Variants in TCEANC2 observed in about 807,000 individuals in gnomAD.
The protein encoded by TCEANC2 is transcription elongation factor A N-terminal and central domain containing 2.
Under a neutral mutation model 22.8 loss-of-function variants are expected in TCEANC2, and 20 were observed. That is an observed-to-expected ratio of 0.88 (90% CI 0.62 to 1.28). The LOEUF (loss-of-function observed/expected upper bound fraction) is 1.28. Among genes scored for constraint, TCEANC2 ranks in the 50% most tolerant of loss-of-function variants. The pLI, the probability that TCEANC2 is intolerant of heterozygous loss-of-function variation, is 0.00. For synonymous variants in TCEANC2, 84 were observed against 95.5 expected (o/e 0.88, Z 0.70); for missense variants, 251 against 249.7 (o/e 1.01, Z -0.03).
chr1:54,072,614 C>G (rs1463009918), intron 3 of TCEANC2, among the ~76,000 whole-genome samples: 1 of 152,120 alleles, frequency 6.6e-6, no homozygotes, highest in Non-Finnish European at 1.5e-5. Flanking sequence ...TCAGGATGGT[C>G]TCGATCTCTT....
intron 4 of TCEANC2, among the ~76,000 whole-genome samples, chr1:54,093,933 C>A (rs1658494948): frequency 6.6e-6 from 1 of 152,160 alleles, no homozygotes; most frequent in African/African-American, 2.4e-5. Flanking sequence ...GCAAATGCTG[C>A]AGGACAAATG....
chr1:54,064,781 C>T (rs1657918021), intron 2 of TCEANC2, among the ~76,000 whole-genome samples: 1 of 150,604 alleles, frequency 6.6e-6, no homozygotes, highest in East Asian at 1.9e-4. Flanking sequence ...CTCACTGCAC[C>T]CTCCACCTCC....
At position 54,068,758 on chromosome 1, in the gene TCEANC2, A is replaced by G; in HGVS notation, c.105A>G (p.Arg35=). 6.3e-7 allele frequency: 1 copy of G among 1,593,468 alleles called. No homozygotes were observed. The highest frequency in any genetic ancestry group is 8.5e-7 in the Non-Finnish European group (1 of 1,174,564). The change falls in exon 3 of 5, where the codon AGA becomes AGG. Residue 35 remains arginine (R), a splice_region_variant and synonymous_variant. Coordinates refer to ENST00000234827, the MANE Select transcript of TCEANC2 (RefSeq NM_153035.3). ...YKQATIESLK[R]VVVVEDIKRW... ...CAAATGACTTTTCTTTTTCCCAGAG[A>G]GTTGTGGTTGTAGAAGACATAAAAA...
At chr1:54,069,616 A>AG in intron 3 of TCEANC2, among the ~76,000 whole-genome samples, 1 of 152,196 alleles carries the variant, frequency 6.6e-6, no homozygotes, top group African/African-American at 2.4e-5. Flanking sequence ...AAAAAAAAAA[A>AG]AAAAGAAACT....
chr1:54,059,822 G>T (rs1657818198), intron 2 of TCEANC2, among the ~76,000 whole-genome samples: 1 of 152,342 alleles, frequency 6.6e-6, no homozygotes, highest in African/African-American at 2.4e-5. Flanking sequence ...GCATGCCGTT[G>T]TAGGGTTTTG....
chr1:54,059,381 A>G (rs549740089), intron 2 of TCEANC2, among the ~76,000 whole-genome samples: 95 of 152,064 alleles, frequency 6.2e-4, no homozygotes, highest in African/African-American at 2.3e-3. Flanking sequence ...TGAACTCTTG[A>G]CCTCAGGTGA....
At chr1:54,076,455 A>C (rs903918888) in intron 3 of TCEANC2, among the ~76,000 whole-genome samples, 2 of 152,158 alleles carry the variant, frequency 1.3e-5, no homozygotes, top group East Asian at 3.8e-4. Context: ...TTATGCCTAC[A>C]TAGTATTCCA....
At chr1:54,067,942 G>T (rs1657987512) in intron 2 of TCEANC2, among the ~76,000 whole-genome samples, 1 of 152,144 alleles carries the variant, frequency 6.6e-6, no homozygotes, top group African/African-American at 2.4e-5. Flanking sequence ...GTGTGTAGTT[G>T]TAAAAGCAAA....
At chr1:54,069,002 C>T in intron 3 of TCEANC2, 105 bp downstream of exon 3, 1 of 1,210,260 alleles carries the variant, frequency 8.3e-7, no homozygotes, top group Non-Finnish European at 1.1e-6. Context: ...CTTATCAATG[C>T]TTTCAACTCT....
chr1:54,108,595 A>G (rs1658794102), downstream of TCEANC2, among the ~76,000 whole-genome samples: 1 of 152,220 alleles, frequency 6.6e-6, no homozygotes, highest in Non-Finnish European at 1.5e-5. Flanking sequence ...CTGCGACAAA[A>G]TAAATCTGTT....
chr1:54,091,147 A>G (rs895711556), intron 4 of TCEANC2, among the ~76,000 whole-genome samples: 18 of 134,986 alleles, frequency 1.3e-4, no homozygotes, highest in African/African-American at 4.7e-4. Context: ...TGTCGTCCTT[A>G]GCCAAAAAAA....
intron 3 of TCEANC2, among the ~76,000 whole-genome samples, chr1:54,084,262 C>T (rs1030783149): frequency 2.0e-5 from 3 of 152,154 alleles, no homozygotes. Context: ...TTCCACCCAC[C>T]TCAGCCTCCC....
At chr1:54,094,355 G>A (rs1472393255) in intron 4 of TCEANC2, among the ~76,000 whole-genome samples, 2 of 152,144 alleles carry the variant, frequency 1.3e-5, no homozygotes, top group Non-Finnish European at 1.5e-5. Flanking sequence ...TATTTGGGGT[G>A]TGTTTTTTCT....
At chr1:54,082,989 G>A (rs1299767562) in intron 3 of TCEANC2, among the ~76,000 whole-genome samples, 2 of 152,174 alleles carry the variant, frequency 1.3e-5, no homozygotes, top group Non-Finnish European at 2.9e-5. Flanking sequence ...CTGAATCAGG[G>A]TAGTAAGAGT....
At chr1:54,078,770 A>G (rs1343243181) in intron 3 of TCEANC2, among the ~76,000 whole-genome samples, 1 of 152,324 alleles carries the variant, frequency 6.6e-6, no homozygotes, top group East Asian at 1.9e-4. Context: ...GGGCTGAAGA[A>G]CTGAACCTGG....
intron 3 of TCEANC2, among the ~76,000 whole-genome samples, chr1:54,081,447 A>G (rs1250623068): frequency 6.6e-6 from 1 of 151,994 alleles, no homozygotes; most frequent in Non-Finnish European, 1.5e-5. Context: ...GGGTCTCACT[A>G]TGTTGCCCAG....
chr1:54,059,622 A>G (rs1024182002), intron 2 of TCEANC2, among the ~76,000 whole-genome samples: 4 of 152,186 alleles, frequency 2.6e-5, no homozygotes, highest in African/African-American at 9.7e-5. Context: ...TGGTTCAAAT[A>G]TCTGTGGAAG....
chr1:54,099,743 CA>C lies in TCEANC2; in HGVS notation c.*3287del, dbSNP rs36005233. On this transcript the variant is annotated 3_prime_UTR_variant, in exon 5 of 5. Transcript: ENST00000234827. ...TGGGCAACAGAGTGAGACTCTGTCTCAAAAAAAAAAAAAAAAAGAGAAAAAG... is the reference window on the plus strand; with the variant it reads ...TGGGCAACAGAGTGAGACTCTGTCTCAAAAAAAAAAAAAAAAGAGAAAAAG... 60,976 of 108,010 alleles carry C rather than the reference CA, an allele frequency of 0.56. 15,412 individuals carry two copies. The highest frequency in any genetic ancestry group is 0.76 in the African/African-American group (22,830 of 30,068). 6.7% of individuals were successfully genotyped at this position (108,010 alleles called of 1,614,324 possible).
At chr1:54,054,564 C>CGAATTTATCCAT in intron 2 of TCEANC2, 40 bp downstream of exon 2, 1 of 1,575,646 alleles carries the variant, frequency 6.3e-7, no homozygotes, top group Non-Finnish European at 8.6e-7. Flanking sequence ...GTGCAAAGGA[C>CGAATTTATCCAT]TGATAGCAAG....
Sources: gnomAD v4.1 joint callset for allele counts (sites outside exome capture counted in the v4.1 genomes callset) on GRCh38, gnomAD v4.1.1 for gene constraint, MANE v1.5 for transcripts, NCBI Gene and HGNC (gene_info 2026-07-23, HGNC 2026-07-21) for gene names.